Variants in CFH observed in about 807,000 individuals in gnomAD.
CFH encodes H factor 1 (complement).
A neutral mutation model predicts 147.3 loss-of-function variants in CFH; 53 were observed. That is an observed-to-expected ratio of 0.36 (90% CI 0.29 to 0.45). The LOEUF is 0.45. CFH is among the 20% of genes least tolerant of loss of function. CFH has a pLI of 1.00. For missense variants in CFH, 1,380 were observed against 1,498.0 expected, an observed-to-expected ratio of 0.92 and a Z score of 1.30; for synonymous variants, 536 against 489.4, an observed-to-expected ratio of 1.10 and a Z score of -1.26.
intron 15 of CFH, among the ~76,000 whole-genome samples, chr1:196,728,970 C>G (rs1226910283): frequency 6.6e-5 from 10 of 151,940 alleles, no homozygotes; most frequent in Admixed American, 6.6e-4. Flanking sequence ...ATTCATCTAC[C>G]TGTTCATCTA....
intron 11 of CFH, among the ~76,000 whole-genome samples, chr1:196,720,700 C>T (rs894492425): frequency 6.6e-6 from 1 of 151,672 alleles, no homozygotes; most frequent in African/African-American, 2.4e-5. Context: ...TTTATCCAAT[C>T]ATCTGTTGGT....
At chr1:196,652,200 T>G in intron 1 of CFH, 25 bp downstream of exon 1, 12 of 1,546,058 alleles carry the variant, frequency 7.8e-6, no homozygotes, top group Non-Finnish European at 1.1e-5. Context: ...GACTCTTTTC[T>G]GAAAACTGTA....
intron 6 of CFH, among the ~76,000 whole-genome samples, chr1:196,681,186 A>G (rs1341351520): frequency 6.6e-6 from 1 of 151,838 alleles, no homozygotes; most frequent in Non-Finnish European, 1.5e-5. Context: ...TTACATCAGG[A>G]CCTTGCTGTG....
chr1:196,705,119 G>A (rs1204870477), intron 9 of CFH, among the ~76,000 whole-genome samples: 1 of 152,088 alleles, frequency 6.6e-6, no homozygotes, highest in Non-Finnish European at 1.5e-5. Flanking sequence ...TGAAAAATGA[G>A]ACTTTGCTTA....
chr1:196,698,943 T>C (rs1311270797), intron 9 of CFH, among the ~76,000 whole-genome samples: 1 of 152,044 alleles, frequency 6.6e-6, no homozygotes, highest in Non-Finnish European at 1.5e-5. Flanking sequence ...ATAAATGTAA[T>C]GACAAAAAAC....
At position 196,689,524 on chromosome 1, in the gene CFH, T is replaced by C. The variant is rs1667951954; in HGVS notation, c.1069T>C (p.Cys357Arg). 7 of 1,613,518 alleles carry C rather than the reference T, an allele frequency of 4.3e-6. No homozygotes were observed. Among genetic ancestry groups the C allele is most frequent in the Non-Finnish European group, 3.4e-6 (4 of 1,179,706 alleles). ...TGTAGGAAAATATTACTCCTATTAC[T>C]GTGATGAACATTTTGAGACTCCGTC... ...VAVGKYYSYY[C>R]DEHFETPSGS... The change falls in exon 8 of 22, where the codon TGT (cysteine) becomes CGT (arginine). Residue 357 changes from cysteine (C) to arginine (R), a missense_variant. This residue lies in a region of CFH where 167 missense variants were observed against 228.0 expected (regional missense o/e 0.73). Coordinates refer to ENST00000367429, the MANE Select transcript of CFH (RefSeq NM_000186.4).
Position 196,739,931 on chromosome 1 carries a change from G to A in CFH, c.2783-688G>A, listed in dbSNP as rs538653866. Among the ~76,000 whole-genome samples, 9 of 152,296 alleles carry A rather than the reference G, an allele frequency of 5.9e-5. No individual in the cohort carries two copies. The South Asian group carries it at 1.9e-3, about 32-fold the overall frequency. ...GACTCACAATTCCACATGGCTGGGAGGCCTCAGGAAACTTACAACCCTGGT... is the reference window on the plus strand; with the variant it reads ...GACTCACAATTCCACATGGCTGGGAAGCCTCAGGAAACTTACAACCCTGGT... On this transcript the variant is annotated intron_variant, in intron 17 of 21. Transcript: ENST00000367429.
intron 11 of CFH, among the ~76,000 whole-genome samples, chr1:196,717,493 C>A (rs1225409579): frequency 6.6e-6 from 1 of 151,940 alleles, no homozygotes. Flanking sequence ...AGGTAAGGTA[C>A]AGGCCAATGA....
At chr1:196,657,778 A>G (rs887202128) in intron 1 of CFH, among the ~76,000 whole-genome samples, 2 of 152,190 alleles carry the variant, frequency 1.3e-5, no homozygotes, top group African/African-American at 4.8e-5. Flanking sequence ...AGGCTATTTA[A>G]AAAATAATAT....
At chr1:196,743,677 A>G (rs1184346989) in intron 20 of CFH, 49 bp downstream of exon 20, 6 of 1,610,954 alleles carry the variant, frequency 3.7e-6, no homozygotes, top group Non-Finnish European at 5.1e-6. Flanking sequence ...TAGCAGGGTT[A>G]AAATATGTTG....
rs537533385 is a variant in CFH at position 196,685,060 on chromosome 1, T to C, written c.791-4T>C. The C allele has an allele frequency of 6.9e-6, 11 of 1,596,790 alleles. No individual in the cohort carries two copies. In the South Asian group the frequency reaches 1.1e-4, roughly 16 times the overall value. ...CATTATCCATATATCCTTTTTCTTT[T>C]CAGAAAAATCATGTGATAATCCTTA... On this transcript the variant is annotated splice_region_variant and splice_polypyrimidine_tract_variant and intron_variant, in intron 6 of 21. Transcript: ENST00000367429.
At chr1:196,671,927 A>C (rs1339007394) in intron 1 of CFH, among the ~76,000 whole-genome samples, 1 of 150,956 alleles carries the variant, frequency 6.6e-6, no homozygotes, top group Non-Finnish European at 1.5e-5. Context: ...ATATGTATAC[A>C]GCTTTTCTGC....
At chr1:196,714,648 TATATATATATATATATATATAGAGAGAG>T (rs1668809852) in intron 10 of CFH, among the ~76,000 whole-genome samples, 2 of 41,750 alleles carry the variant, frequency 4.8e-5, no homozygotes, top group Non-Finnish European at 8.7e-5. Flanking sequence ...TATATATATA[TATATATATATATATATATATAGAGAGAG>T]AGAGAGAGAG....
intron 9 of CFH, among the ~76,000 whole-genome samples, chr1:196,691,620 G>A (rs1558162783): frequency 6.6e-6 from 1 of 151,626 alleles, no homozygotes; most frequent in Non-Finnish European, 1.5e-5. Context: ...GAGAGTTTTG[G>A]TATTATTAGT....
At chr1:196,684,406 C>T (rs567619650) in intron 6 of CFH, among the ~76,000 whole-genome samples, 2 of 152,052 alleles carry the variant, frequency 1.3e-5, no homozygotes, top group African/African-American at 4.8e-5. Context: ...GATATTAAGA[C>T]TGAAGTTTAT....
intron 10 of CFH, among the ~76,000 whole-genome samples, chr1:196,714,271 A>G (rs1668793395): frequency 2.6e-5 from 4 of 151,968 alleles, no homozygotes; most frequent in Admixed American, 2.6e-4. Context: ...TTACTCCTAG[A>G]TACAAAAGCA....
At chr1:196,730,142 C>A (rs971669718) in intron 15 of CFH, among the ~76,000 whole-genome samples, 3 of 151,612 alleles carry the variant, frequency 2.0e-5, no homozygotes, top group Non-Finnish European at 4.4e-5. Flanking sequence ...CTAGTTTGTT[C>A]ATGTTTTTCT....
At chr1:196,745,700 C>G (rs557153555) in intron 20 of CFH, 117 bp from the exon 21 acceptor site, 3 of 1,430,186 alleles carry the variant, frequency 2.1e-6, no homozygotes, top group Non-Finnish European at 3.0e-6. Context: ...ATTTCTTTCA[C>G]CAGAAATCAC....
At chr1:196,719,647 G>T (rs937494593) in intron 11 of CFH, among the ~76,000 whole-genome samples, 1 of 151,652 alleles carries the variant, frequency 6.6e-6, no homozygotes, top group Non-Finnish European at 1.5e-5. Flanking sequence ...AAGAAAGGAG[G>T]ATTCTGAATA....
Sources: allele counts gnomAD v4.1 joint callset (sites outside exome capture counted in the v4.1 genomes callset), GRCh38; gene constraint gnomAD v4.1.1; regional missense constraint gnomAD v4.1.1; transcripts MANE v1.5; gene names NCBI Gene and HGNC (gene_info 2026-07-23, HGNC 2026-07-21).